G3BP2: variants seen among roughly 807,000 people sequenced by gnomAD.
The protein encoded by G3BP2 is ras GTPase-activating protein-binding protein 2.
Under a neutral mutation model 56.7 loss-of-function variants are expected in G3BP2, and 11 were observed. The ratio of observed to expected loss-of-function variants is 0.19; its 90% confidence interval spans 0.12 to 0.32. The LOEUF is 0.32. Ranked by LOEUF, G3BP2 falls within the 10% of genes least tolerant of loss-of-function variation. G3BP2 has a pLI of 1.00. For missense variants in G3BP2, 340 were observed against 610.9 expected (o/e 0.56, Z 4.67); for synonymous variants, 165 against 191.6 (o/e 0.86, Z 1.15).
intron 3 of G3BP2, among the ~76,000 whole-genome samples, chr4:75,694,582 C>T (rs1423721928): frequency 2.0e-5 from 3 of 152,160 alleles, no homozygotes; most frequent in Non-Finnish European, 4.4e-5. Flanking sequence ...CCAGCCTGGA[C>T]GACAGGGCGA....
chr4:75,646,121 ATGCAATCT>A (rs1731193287), intron 11 of G3BP2, among the ~76,000 whole-genome samples: 1 of 152,166 alleles, frequency 6.6e-6, no homozygotes, highest in South Asian at 2.1e-4. Flanking sequence ...AATTCTTAAC[ATGCAATCT>A]TGCAATCTTT....
chr4:75,721,960 G>T (rs765359497), intron 2 of G3BP2, among the ~76,000 whole-genome samples: 16 of 151,982 alleles, frequency 1.1e-4, no homozygotes, highest in Non-Finnish European at 2.2e-4. Context: ...TGCAAGTCAG[G>T]CCGTCACAAT....
rs560866927 is a variant in G3BP2, at chr4:75,686,387, G to A, written c.-24-24338C>T. Among the ~76,000 whole-genome samples the A allele has an allele frequency of 3.5e-4, 54 of 152,228 alleles. 1 individual carries two copies. In the South Asian group the frequency reaches 3.9e-3, roughly 11 times the overall value. ...CAGACAGATTTGTACAGGGTACAGT[G>A]AGAACAGAGGAAATGGGGAAATAAT... On this transcript the variant is annotated intron_variant, in intron 3 of 3. Transcript: ENST00000499709.
chr4:75,711,468 T>C (rs1719755070), intron 3 of G3BP2, among the ~76,000 whole-genome samples: 1 of 151,808 alleles, frequency 6.6e-6, no homozygotes, highest in Admixed American at 6.6e-5. Context: ...ATCCCAGCAC[T>C]TTGGGAGGCC....
At position 75,645,293 on chromosome 4, in the gene G3BP2, G is replaced by A. The variant is rs1731135033; in HGVS notation, c.*137C>T. ...AAATAATGTCCACCTCAATTTAACT[G>A]ATAACCAAAGATGCTTTTCACATCA... On this transcript the variant is annotated 3_prime_UTR_variant, in exon 12 of 12. Transcript: ENST00000359707. 2 of 727,174 alleles carry A rather than the reference G, an allele frequency of 2.8e-6. No individual in the cohort carries two copies. The highest frequency in any genetic ancestry group is 1.9e-5 in the South Asian group (1 of 51,858). 45.0% of individuals were successfully genotyped at this position (727,174 alleles called of 1,614,324 possible). A position where few individuals can be genotyped will look rare whatever the true frequency, so the allele number is the denominator to read the frequency against.
chr4:75,672,144 C>T (rs1315881429), intron 1 of G3BP2, among the ~76,000 whole-genome samples: 8 of 152,148 alleles, frequency 5.3e-5, no homozygotes, highest in Admixed American at 5.2e-4. Context: ...ACTATTCCAG[C>T]TAAAAGTGCA....
rs187758740 is a variant in G3BP2, at chr4:75,668,708, C to T, written c.-25+4500G>A. 2.2e-3 allele frequency among the ~76,000 whole-genome samples: 330 copies of T among 152,292 alleles called. 1 individual carries two copies. Among genetic ancestry groups the T allele is most frequent in the African/African-American group, 7.7e-3 (322 of 41,570 alleles). Reference sequence around the variant, plus strand: ...ACAAGAAGCAGGACTTTTGACTTCTCCTCCAATACTCATCTCACACCTTCC... The same window carrying T: ...ACAAGAAGCAGGACTTTTGACTTCTTCTCCAATACTCATCTCACACCTTCC... On this transcript the variant is annotated intron_variant, in intron 1 of 11. Transcript: ENST00000359707.
intron 3 of G3BP2, among the ~76,000 whole-genome samples, chr4:75,688,141 T>C (rs1045945336): frequency 1.3e-5 from 2 of 151,966 alleles, no homozygotes; most frequent in Non-Finnish European, 2.9e-5. Context: ...GGTCTCTTCT[T>C]TGGCTTCTTG....
intron 3 of G3BP2, among the ~76,000 whole-genome samples, chr4:75,684,382 G>A (rs986828506): frequency 5.9e-5 from 9 of 151,768 alleles, no homozygotes; most frequent in Non-Finnish European, 2.9e-5. Context: ...TCTGGCCTGG[G>A]CGACAGAGTT....
At chr4:75,692,317 T>TC (rs1396113903) in intron 3 of G3BP2, among the ~76,000 whole-genome samples, 1 of 151,672 alleles carries the variant, frequency 6.6e-6, no homozygotes, top group East Asian at 1.9e-4. Context: ...ACCTGTCAGT[T>TC]CTTTTTTTTT....
At chr4:75,658,957 T>C (rs750607681) in intron 2 of G3BP2, 33 bp from the exon 3 acceptor site, 4 of 1,478,290 alleles carry the variant, frequency 2.7e-6, no homozygotes, top group Middle Eastern at 1.7e-4. Flanking sequence ...TAACACTGAA[T>C]TGTCAAGAGA....
At chr4:75,692,124 C>G (rs1718882744) in intron 3 of G3BP2, among the ~76,000 whole-genome samples, 1 of 152,006 alleles carries the variant, frequency 6.6e-6, no homozygotes, top group Admixed American at 6.6e-5. Context: ...TTTTATTTTT[C>G]AAAAAAGCAA....
chr4:75,701,123 G>A (rs373065501), intron 3 of G3BP2, among the ~76,000 whole-genome samples: 3 of 152,014 alleles, frequency 2.0e-5, no homozygotes, highest in South Asian at 2.1e-4. Flanking sequence ...GATTACAGGC[G>A]TGAGCCACCA....
intron 3 of G3BP2, among the ~76,000 whole-genome samples, chr4:75,691,004 G>C (rs994138299): frequency 6.6e-6 from 1 of 152,082 alleles, no homozygotes; most frequent in Non-Finnish European, 1.5e-5. Flanking sequence ...GTCGTTCACT[G>C]GTCCCTCCTT....
At chr4:75,700,227 T>A (rs1719284925) in intron 3 of G3BP2, among the ~76,000 whole-genome samples, 1 of 151,682 alleles carries the variant, frequency 6.6e-6, no homozygotes, top group African/African-American at 2.4e-5. Flanking sequence ...CTACTTTTTG[T>A]ATTTTTAGTA....
At position 75,650,088 on chromosome 4, in the gene G3BP2, T is replaced by TAA. The variant is rs979857347; in HGVS notation, c.826-1349_826-1348dup. 1.1e-4 allele frequency among the ~76,000 whole-genome samples: 16 copies of TAA among 152,302 alleles called. 1 individual carries two copies. The highest frequency in any genetic ancestry group is 9.8e-4 in the Admixed American group (15 of 15,306). ...AGTCCATGCAGCGGCTCAAACTCTT[T>TAA]AATCATTTATATAACAGATATTGTA... On this transcript the variant is annotated intron_variant, in intron 8 of 11. Transcript: ENST00000359707.
chr4:75,721,267 G>C (rs1479526742), intron 2 of G3BP2, among the ~76,000 whole-genome samples: 1 of 111,936 alleles, frequency 8.9e-6, no homozygotes, highest in African/African-American at 3.7e-5. Flanking sequence ...TTTTTTTTTT[G>C]GGACAGGGTC....
At chr4:75,682,777 C>A (rs1406914837) in intron 3 of G3BP2, among the ~76,000 whole-genome samples, 4 of 151,612 alleles carry the variant, frequency 2.6e-5, no homozygotes, top group African/African-American at 9.7e-5. Context: ...GTCAGGAGAT[C>A]GAGACCATCC....
At chr4:75,671,625 T>C (rs1278227819) in intron 1 of G3BP2, among the ~76,000 whole-genome samples, 1 of 152,258 alleles carries the variant, frequency 6.6e-6, no homozygotes, top group Non-Finnish European at 1.5e-5. Flanking sequence ...ATCTGAACTA[T>C]GACAGCTCTT....
Sources: gnomAD v4.1 joint callset for allele counts (sites outside exome capture counted in the v4.1 genomes callset) on GRCh38, gnomAD v4.1.1 for gene constraint, MANE v1.5 for transcripts, NCBI Gene and HGNC (gene_info 2026-07-23, HGNC 2026-07-21) for gene names.